Variants in CHST9 observed in about 807,000 individuals in gnomAD.
CHST9 encodes carbohydrate sulfotransferase 9, also known as GalNAc-4-sulfotransferase 2.
Under a neutral mutation model 44.4 loss-of-function variants are expected in CHST9, and 41 were observed. The ratio of observed to expected loss-of-function variants is 0.92; its 90% CI spans 0.72 to 1.20. The LOEUF (loss-of-function observed/expected upper bound fraction) is 1.20. CHST9 is among the 50% of genes most tolerant of loss of function. The pLI is 0.00. For synonymous variants in CHST9, 171 were observed against 178.4 expected (o/e 0.96, Z 0.33); for missense variants, 504 against 516.5 (o/e 0.98, Z 0.23).
At chr18:26,952,171 G>A (rs1260938205) in intron 4 of CHST9, 1 of 520,498 alleles carries the variant, frequency 1.9e-6, no homozygotes, top group Non-Finnish European at 3.9e-6. Context: ...TAGCAGGAGG[G>A]CTAGGGATGG....
At chr18:26,966,860 T>A (rs1154214) in intron 4 of CHST9, among the ~76,000 whole-genome samples, 1 of 147,744 alleles carries the variant, frequency 6.8e-6, no homozygotes, top group Non-Finnish European at 1.5e-5. Flanking sequence ...AAGAAAACAA[T>A]ACTTAATTAT....
At chr18:27,110,761 G>C (rs1034799476) in intron 2 of CHST9, among the ~76,000 whole-genome samples, 1 of 152,176 alleles carries the variant, frequency 6.6e-6, no homozygotes, top group African/African-American at 2.4e-5. Context: ...TGGACAGCTA[G>C]AGCATTGCTG....
chr18:27,019,152 T>C (rs1449344689), intron 4 of CHST9, among the ~76,000 whole-genome samples: 1 of 152,158 alleles, frequency 6.6e-6, no homozygotes, highest in Non-Finnish European at 1.5e-5. Context: ...ACACTGAGTA[T>C]AGGTAAACAA....
At position 27,112,444 on chromosome 18, in the gene CHST9, C is replaced by T. The variant is rs192070328; in HGVS notation, c.121+30245G>A. On this transcript the variant is annotated intron_variant, in intron 2 of 5. Coordinates refer to ENST00000618847, the MANE Select transcript of CHST9 (RefSeq NM_031422.6). ...TAATTTTATACAATATTTTAAATAA[C>T]TTTGTGCATAAGGCAAAATTTATGT... Among the ~76,000 whole-genome samples the T allele has an allele frequency of 1.1e-3, 171 of 151,846 alleles. 1 individual carries two copies. Among genetic ancestry groups the T allele is most frequent in the Non-Finnish European group, 1.9e-3 (132 of 67,954 alleles).
intron 4 of CHST9, among the ~76,000 whole-genome samples, chr18:27,008,425 C>G (rs1434891193): frequency 6.6e-6 from 1 of 152,182 alleles, no homozygotes; most frequent in Non-Finnish European, 1.5e-5. Context: ...GAAATGATAG[C>G]ATATCACATA....
intron 4 of CHST9, among the ~76,000 whole-genome samples, chr18:26,985,165 G>C (rs568979735): frequency 1.3e-5 from 2 of 152,146 alleles, no homozygotes; most frequent in East Asian, 1.9e-4. Flanking sequence ...AGAGCAACAA[G>C]AATGAATGAA....
intron 2 of CHST9, among the ~76,000 whole-genome samples, chr18:27,097,517 T>C (rs1355483187): frequency 6.6e-6 from 1 of 152,182 alleles, no homozygotes; most frequent in Admixed American, 6.5e-5. Flanking sequence ...ACCAAAAGGC[T>C]CCTGGAACTG....
intron 4 of CHST9, among the ~76,000 whole-genome samples, chr18:26,994,535 G>C (rs1186518601): frequency 6.6e-6 from 1 of 152,064 alleles, no homozygotes; most frequent in Admixed American, 6.5e-5. Context: ...TGCACCTCCT[G>C]TTCTTCATGC....
At chr18:27,123,345 T>C (rs1172647977) in intron 2 of CHST9, among the ~76,000 whole-genome samples, 1 of 152,172 alleles carries the variant, frequency 6.6e-6, no homozygotes, top group Non-Finnish European at 1.5e-5. Context: ...TGGTGCCCTG[T>C]AATACCCCCC....
At chr18:27,050,506 G>A (rs982520348) in intron 2 of CHST9, among the ~76,000 whole-genome samples, 1 of 152,168 alleles carries the variant, frequency 6.6e-6, no homozygotes, top group Non-Finnish European at 1.5e-5. Flanking sequence ...TTTTCTAACA[G>A]CCCTTCGAGT....
At chr18:27,052,200 TCTA>T (rs1262684536) in intron 2 of CHST9, among the ~76,000 whole-genome samples, 1 of 152,000 alleles carries the variant, frequency 6.6e-6, no homozygotes, top group Non-Finnish European at 1.5e-5. Flanking sequence ...GTTACAGGAA[TCTA>T]CTTAGATTTC....
chr18:27,001,600 C>A (rs1273120988), intron 4 of CHST9, among the ~76,000 whole-genome samples: 1 of 150,706 alleles, frequency 6.6e-6, no homozygotes, highest in Non-Finnish European at 1.5e-5. Flanking sequence ...GCAGAGACTT[C>A]ATGGGGCTTG....
intron 3 of CHST9, among the ~76,000 whole-genome samples, chr18:27,028,544 A>C (rs1474676910): frequency 6.6e-6 from 1 of 151,936 alleles, no homozygotes; most frequent in African/African-American, 2.4e-5. Flanking sequence ...GAGGCCAGTA[A>C]AAGTAACTTC....
At chr18:27,155,402 A>G (rs966378732) in intron 1 of CHST9, among the ~76,000 whole-genome samples, 2 of 152,202 alleles carry the variant, frequency 1.3e-5, no homozygotes, top group African/African-American at 4.8e-5. Context: ...ATGCCAATTC[A>G]AATCAATCAA....
At chr18:27,053,167 G>GA (rs2143579631) in intron 2 of CHST9, among the ~76,000 whole-genome samples, 7 of 146,532 alleles carry the variant, frequency 4.8e-5, no homozygotes, top group African/African-American at 1.8e-4. Context: ...AGAAGAAGAA[G>GA]AAGAAGAAGA....
At chr18:27,106,806 G>T (rs2058225163) in intron 2 of CHST9, among the ~76,000 whole-genome samples, 1 of 152,022 alleles carries the variant, frequency 6.6e-6, no homozygotes, top group Admixed American at 6.6e-5. Context: ...TATCGCAGTT[G>T]GCAAGTTAAT....
At chr18:27,112,252 C>G (rs1446252608) in intron 2 of CHST9, among the ~76,000 whole-genome samples, 5 of 150,842 alleles carry the variant, frequency 3.3e-5, no homozygotes, top group Admixed American at 3.3e-4. Flanking sequence ...AGCTGGAAAC[C>G]CAGGATGTGT....
chr18:27,045,175 T>C (rs1164849125), intron 3 of CHST9, among the ~76,000 whole-genome samples: 5 of 152,044 alleles, frequency 3.3e-5, no homozygotes, highest in African/African-American at 9.7e-5. Flanking sequence ...GATTTCTCCA[T>C]TCTCTGGTCC....
chr18:26,916,132 AT>A lies in CHST9; in HGVS notation c.*126del. ...ATTGGTGTCATACTATTTGGTAAAA[AT>A]CTACATTAAATCAAGACAACTGCAC... On this transcript the variant is annotated 3_prime_UTR_variant, in exon 6 of 6. Transcript: ENST00000618847. 3.8e-6 allele frequency: 3 copies of A among 780,122 alleles called. No individual in the cohort carries two copies. Among genetic ancestry groups the A allele is most frequent in the Non-Finnish European group, 6.1e-6 (3 of 493,204 alleles). 48.3% of individuals were successfully genotyped at this position (780,122 alleles called of 1,614,324 possible).
Sources: allele counts gnomAD v4.1 joint callset (sites outside exome capture counted in the v4.1 genomes callset), GRCh38; gene constraint gnomAD v4.1.1; transcripts MANE v1.5; gene names NCBI Gene and HGNC (gene_info 2026-07-23, HGNC 2026-07-21).